Variants in SMPD3 observed in about 807,000 individuals in gnomAD.
The protein encoded by SMPD3 is sphingomyelin phosphodiesterase 3.
Under a neutral mutation model 55.7 loss-of-function variants are expected in SMPD3, and 21 were observed. The observed-to-expected ratio is 0.38, with a 90% CI of 0.27 to 0.54. The LOEUF (loss-of-function observed/expected upper bound fraction) is 0.54. SMPD3 is among the 20% of genes least tolerant of loss of function. The pLI, the probability that SMPD3 is intolerant of heterozygous loss-of-function variation, is 0.80. For missense variants in SMPD3, 842 were observed against 899.6 expected, an observed-to-expected ratio of 0.94 and a Z score of 0.82; for synonymous variants, 457 against 404.3, an observed-to-expected ratio of 1.13 and a Z score of -1.56.
At chr16:68,420,811 A>C (rs2090387600) in intron 1 of SMPD3, among the ~76,000 whole-genome samples, 1 of 152,200 alleles carries the variant, frequency 6.6e-6, no homozygotes, top group Non-Finnish European at 1.5e-5. Flanking sequence ...GCACTTTGTA[A>C]GCATTAATTA....
chr16:68,411,154 G>A (rs992634731), intron 1 of SMPD3, among the ~76,000 whole-genome samples: 2 of 152,234 alleles, frequency 1.3e-5, no homozygotes, highest in African/African-American at 4.8e-5. Flanking sequence ...AAGCAGGCCG[G>A]GGTCAGGAGA....
chr16:68,358,684 C>T lies in SMPD3; in HGVS notation c.*2522G>A, dbSNP rs540923794. On this transcript the variant is annotated 3_prime_UTR_variant, in exon 9 of 9. Coordinates refer to ENST00000219334, the MANE Select transcript of SMPD3 (RefSeq NM_018667.4). Reference sequence around the variant, plus strand: ...TTTGGACAAATGAAAATGAACATTTCCTTCCTCAGTGGCCCCCGCGCCTTG... The same window carrying T: ...TTTGGACAAATGAAAATGAACATTTTCTTCCTCAGTGGCCCCCGCGCCTTG... 6.5e-6 allele frequency: 1 copy of T among 152,736 alleles called. No homozygotes were observed. The highest frequency in any genetic ancestry group is 2.1e-4 in the South Asian group (1 of 4,830). The allele number at this position is 152,736 out of a possible 1,614,324, so 9.5% of individuals were successfully genotyped here.
intron 1 of SMPD3, among the ~76,000 whole-genome samples, chr16:68,425,885 G>A (rs2090432752): frequency 1.3e-5 from 2 of 152,142 alleles, no homozygotes; most frequent in Admixed American, 6.5e-5. Flanking sequence ...GCACTATGCC[G>A]CGAGGAAGTC....
At chr16:68,432,123 A>G (rs11649189) in intron 1 of SMPD3, among the ~76,000 whole-genome samples, 114,302 of 151,956 alleles carry the variant, frequency 0.75, 43,478 homozygotes, top group East Asian at 0.88. Flanking sequence ...CGCAAAAAAA[A>G]AAAAGAAAAG....
At chr16:68,374,588 C>A (rs1458188664) in intron 2 of SMPD3, among the ~76,000 whole-genome samples, 1 of 152,140 alleles carries the variant, frequency 6.6e-6, no homozygotes, top group Non-Finnish European at 1.5e-5. Context: ...CAGGTCCACC[C>A]CCGCCTGCCA....
chr16:68,410,402 A>G (rs2090289645), intron 1 of SMPD3, among the ~76,000 whole-genome samples: 1 of 151,868 alleles, frequency 6.6e-6, no homozygotes, highest in African/African-American at 2.4e-5. Flanking sequence ...TCCAGGCACA[A>G]ACACACATGA....
At position 68,371,702 on chromosome 16, in the gene SMPD3, A is replaced by G. The variant is rs757617706; in HGVS notation, c.480T>C (p.Asn160=). 8.2e-6 allele frequency: 13 copies of G among 1,583,734 alleles called. No individual in the cohort carries two copies. The highest frequency in any genetic ancestry group is 1.7e-4 in the Middle Eastern group (1 of 5,930). The change falls in exon 3 of 9, where the codon AAT becomes AAC. Residue 160 remains asparagine (N), a synonymous_variant. Transcript: ENST00000219334. ...TTTTGATCTGGGGCCGGGCGGCCCC[A>G]TTGCGGATTCTCTGCCCGATCTCCT... ...RAKEIGQRIR[N]GAARPQIKIY... is the part of the protein sequence containing the mutation.
chr16:68,441,711 C>T (rs1313118772), intron 1 of SMPD3, among the ~76,000 whole-genome samples: 1 of 151,964 alleles, frequency 6.6e-6, no homozygotes, highest in African/African-American at 2.4e-5. Context: ...GACAGACATT[C>T]TACTTTTCCT....
At chr16:68,446,668 C>G (rs1010527893) in intron 1 of SMPD3, among the ~76,000 whole-genome samples, 2 of 152,206 alleles carry the variant, frequency 1.3e-5, no homozygotes, top group Non-Finnish European at 2.9e-5. Flanking sequence ...CATCCCCTCC[C>G]CAGAACCAAA....
At position 68,358,850 on chromosome 16, in the gene SMPD3, AGGGCCTGGCC is replaced by A; in HGVS notation, c.*2346_*2355del. 6.6e-6 allele frequency: 1 copy of A among 152,496 alleles called. No homozygotes were observed. Among genetic ancestry groups the A allele is most frequent in the Non-Finnish European group, 1.5e-5 (1 of 68,066 alleles). The allele number at this position is 152,496 out of a possible 1,614,324, so 9.4% of individuals were successfully genotyped here. On this transcript the variant is annotated 3_prime_UTR_variant, in exon 9 of 9. Coordinates refer to ENST00000219334, the MANE Select transcript of SMPD3 (RefSeq NM_018667.4). ...TGGTTCACTTTAAAAAATCAGTGGA[AGGGCCTGGCC>A]TGCACACAAGGCCCGGGAGTCCATA...
intron 1 of SMPD3, among the ~76,000 whole-genome samples, chr16:68,410,877 G>A (rs887702835): frequency 6.6e-6 from 1 of 152,238 alleles, no homozygotes; most frequent in Non-Finnish European, 1.5e-5. Context: ...TGTGAATTCC[G>A]GCAGAGTGAA....
At chr16:68,395,353 G>A (rs1350900390) in intron 1 of SMPD3, among the ~76,000 whole-genome samples, 2 of 152,204 alleles carry the variant, frequency 1.3e-5, no homozygotes, top group East Asian at 3.8e-4. Context: ...ACACTTCTTG[G>A]GAACTAGTTT....
intron 1 of SMPD3, among the ~76,000 whole-genome samples, chr16:68,430,351 A>T (rs958652349): frequency 6.6e-6 from 1 of 152,198 alleles, no homozygotes; most frequent in African/African-American, 2.4e-5. Flanking sequence ...CTCCCCAGTC[A>T]TGCTTTATCG....
chr16:68,364,570 G>A (rs534228960), intron 5 of SMPD3, 181 bp downstream of exon 5: 8 of 688,968 alleles, frequency 1.2e-5, no homozygotes, highest in African/African-American at 3.6e-5. Flanking sequence ...TAGGCAGAGC[G>A]TGGGCTCTTC....
rs775851047 is a variant in SMPD3 at position 68,371,389 on chromosome 16, C to A, written c.793G>T (p.Gly265Cys). 5 of 1,567,086 alleles carry A rather than the reference C, an allele frequency of 3.2e-6. No individual in the cohort carries two copies. In the Admixed American group the frequency reaches 5.5e-5, roughly 17 times the overall value. Residue 265 changes from glycine (G) to cysteine (C), a missense_variant, in exon 3 of 9, where the codon GGC becomes TGC. Physicochemically the swap from Gly to Cys is radical, Grantham distance 159. Around this residue, in one of 2 missense-constraint regions of SMPD3, gnomAD observed 649 missense variants for 643.6 expected, o/e 1.01. Transcript: ENST00000219334. The part of the protein sequence containing the change: ...PPEADDPVPG[G>C]QARNGAGGGP... ...CCGCCAGCTCCGTTCCTGGCCTGGC[C>A]CCCAGGCACAGGGTCGTCAGCTTCA...
At chr16:68,362,936 T>C (rs189383190) in intron 7 of SMPD3, among the ~76,000 whole-genome samples, 1 of 152,238 alleles carries the variant, frequency 6.6e-6, no homozygotes, top group African/African-American at 2.4e-5. Context: ...GTGACTGCAG[T>C]CTCGGGCTGT....
chr16:68,401,784 A>C (rs2090208052), intron 1 of SMPD3, among the ~76,000 whole-genome samples: 1 of 152,148 alleles, frequency 6.6e-6, no homozygotes, highest in Admixed American at 6.5e-5. Flanking sequence ...GGACCATATA[A>C]ATGCCTTCGT....
At chr16:68,448,220 C>G (rs2090625548) in intron 1 of SMPD3, 133 bp downstream of exon 1, 1 of 152,544 alleles carries the variant, frequency 6.6e-6, no homozygotes, top group Non-Finnish European at 1.5e-5. Context: ...ACGGGAGGCC[C>G]CTAGTCAGTC....
At chr16:68,377,328 G>A (rs867190433) in intron 2 of SMPD3, among the ~76,000 whole-genome samples, 1 of 152,150 alleles carries the variant, frequency 6.6e-6, no homozygotes. Flanking sequence ...GGGGATGAGG[G>A]GAAGAAGTGA....
Sources: gnomAD v4.1 joint callset for allele counts (sites outside exome capture counted in the v4.1 genomes callset) on GRCh38, gnomAD v4.1.1 for gene constraint, gnomAD v4.1.1 regional missense constraint, MANE v1.5 for transcripts, NCBI Gene and HGNC (gene_info 2026-07-23, HGNC 2026-07-21) for gene names.